STAU2: variants seen among roughly 807,000 people sequenced by gnomAD.
STAU2 encodes double-stranded RNA-binding protein Staufen homolog 2.
Under a neutral mutation model 65.9 loss-of-function variants are expected in STAU2, and 20 were observed. That is an observed-to-expected ratio of 0.30 (90% CI 0.21 to 0.44). The LOEUF (loss-of-function observed/expected upper bound fraction) is 0.44, where lower values mean the gene tolerates loss of function less well. Ranked by LOEUF, STAU2 falls within the 20% of genes least tolerant of loss-of-function variation. The pLI, the probability that STAU2 is intolerant of heterozygous loss-of-function variation, is 1.00. For synonymous variants in STAU2, 232 were observed against 233.9 expected, an observed-to-expected ratio of 0.99 and a Z score of 0.07; for missense variants, 558 against 683.9, an observed-to-expected ratio of 0.82 and a Z score of 2.05.
intron 3 of STAU2, among the ~76,000 whole-genome samples, chr8:73,713,420 G>A (rs990695435): frequency 2.0e-5 from 3 of 152,178 alleles, no homozygotes; most frequent in Admixed American, 6.5e-5. Context: ...CAGTCTGATA[G>A]AAGAAACAGA....
At chr8:73,710,062 T>C (rs1219261036) in intron 3 of STAU2, among the ~76,000 whole-genome samples, 1 of 152,136 alleles carries the variant, frequency 6.6e-6, no homozygotes, top group Non-Finnish European at 1.5e-5. Context: ...TTTCCAATTC[T>C]TCACTCTTAA....
chr8:73,445,599 C>T (rs4737382), intron 13 of STAU2, among the ~76,000 whole-genome samples: 66,889 of 147,570 alleles, frequency 0.45, 15,134 homozygotes, highest in Admixed American at 0.57. Flanking sequence ...GAAATATTCG[C>T]AGACCACATA....
chr8:73,696,133 A>G (rs944683823), intron 4 of STAU2, among the ~76,000 whole-genome samples: 1 of 152,190 alleles, frequency 6.6e-6, no homozygotes, highest in African/African-American at 2.4e-5. Context: ...CTGCCTGGTA[A>G]TCCTGAGAAT....
At chr8:73,701,461 A>G (rs1253004610) in intron 4 of STAU2, among the ~76,000 whole-genome samples, 1 of 148,032 alleles carries the variant, frequency 6.8e-6, no homozygotes, top group Non-Finnish European at 1.5e-5. Flanking sequence ...TTTAAACAAC[A>G]AACAGGTATA....
At chr8:73,494,154 A>G (rs951040744) in intron 13 of STAU2, among the ~76,000 whole-genome samples, 4 of 151,754 alleles carry the variant, frequency 2.6e-5, no homozygotes, top group Non-Finnish European at 4.4e-5. Context: ...TAAGATTTGT[A>G]CACTTTGTTG....
At chr8:73,579,523 A>G (rs1184067351) in intron 12 of STAU2, among the ~76,000 whole-genome samples, 2 of 152,224 alleles carry the variant, frequency 1.3e-5, no homozygotes, top group Middle Eastern at 3.2e-3. Flanking sequence ...AATATTTTAC[A>G]AAGTTTTCCA....
At chr8:73,687,202 ATTT>A (rs11293045) in intron 5 of STAU2, among the ~76,000 whole-genome samples, 2 of 139,170 alleles carry the variant, frequency 1.4e-5, no homozygotes, top group South Asian at 2.2e-4. Flanking sequence ...TATATTATAA[ATTT>A]TTTAATTTAA....
chr8:73,454,278 G>A (rs991852194), intron 13 of STAU2, among the ~76,000 whole-genome samples: 1 of 152,194 alleles, frequency 6.6e-6, no homozygotes, highest in African/African-American at 2.4e-5. Flanking sequence ...CACAGTAGCT[G>A]TGATATGACA....
chr8:73,543,811 C>T (rs1806714096), intron 13 of STAU2, among the ~76,000 whole-genome samples: 1 of 152,110 alleles, frequency 6.6e-6, no homozygotes. Context: ...TCTTGTAGGC[C>T]TTTGTCCATT....
chr8:73,591,627 T>C (rs1810783115), intron 11 of STAU2, among the ~76,000 whole-genome samples: 1 of 151,622 alleles, frequency 6.6e-6, no homozygotes, highest in South Asian at 2.1e-4. Flanking sequence ...CCAATAGAAG[T>C]GGTCAAGTCA....
chr8:73,619,470 T>C (rs900536797), intron 6 of STAU2, among the ~76,000 whole-genome samples: 12 of 152,216 alleles, frequency 7.9e-5, no homozygotes, highest in African/African-American at 2.2e-4. Context: ...TTTTAGATAA[T>C]TACTGCACAT....
At chr8:73,687,950 G>T (rs1440065418) in intron 5 of STAU2, among the ~76,000 whole-genome samples, 9 of 151,342 alleles carry the variant, frequency 5.9e-5, no homozygotes, top group South Asian at 4.2e-4. Flanking sequence ...TCCTGACCTC[G>T]TGATCCACCT....
chr8:73,634,595 A>G (rs1814356152), intron 6 of STAU2, among the ~76,000 whole-genome samples: 1 of 152,242 alleles, frequency 6.6e-6, no homozygotes, highest in South Asian at 2.1e-4. Context: ...AATCTTTACA[A>G]TGGCCTACAA....
At chr8:73,709,887 T>C (rs1483288579) in intron 3 of STAU2, among the ~76,000 whole-genome samples, 1 of 152,134 alleles carries the variant, frequency 6.6e-6, no homozygotes, top group African/African-American at 2.4e-5. Flanking sequence ...AATGGTATTA[T>C]AGCATTATAA....
chr8:73,625,741 A>G (rs1212856228), intron 6 of STAU2, among the ~76,000 whole-genome samples: 4 of 152,174 alleles, frequency 2.6e-5, no homozygotes, highest in Admixed American at 6.5e-5. Flanking sequence ...TTTTTTAAAA[A>G]ATGTTGATAC....
At chr8:73,668,917 T>C (rs1478180513) in intron 6 of STAU2, 3 of 630,608 alleles carry the variant, frequency 4.8e-6, no homozygotes, top group Non-Finnish European at 8.5e-6. Context: ...AATACCTAAT[T>C]TTGCTTAATA....
intron 5 of STAU2, among the ~76,000 whole-genome samples, chr8:73,673,446 T>C (rs1817828991): frequency 6.6e-6 from 1 of 152,138 alleles, no homozygotes; most frequent in Non-Finnish European, 1.5e-5. Context: ...TGCAATGTTT[T>C]CTGTACATTA....
chr8:73,428,399 T>C (rs1255089255), intron 13 of STAU2, among the ~76,000 whole-genome samples: 2 of 152,030 alleles, frequency 1.3e-5, no homozygotes, highest in African/African-American at 4.8e-5. Context: ...CCCACATCTT[T>C]GCTATTGTGA....
chr8:73,476,701 C>T (rs767834786), intron 13 of STAU2, among the ~76,000 whole-genome samples: 4 of 152,156 alleles, frequency 2.6e-5, no homozygotes, highest in Non-Finnish European at 5.9e-5. Context: ...AGTATCTTAC[C>T]GCATTCTCAT....
Sources: gnomAD v4.1 joint callset for allele counts (sites outside exome capture counted in the v4.1 genomes callset) on GRCh38, gnomAD v4.1.1 for gene constraint, MANE v1.5 for transcripts, NCBI Gene and HGNC (gene_info 2026-07-23, HGNC 2026-07-21) for gene names.